Variants in AGBL4 observed in about 807,000 individuals in gnomAD.
The protein encoded by AGBL4 is cytosolic carboxypeptidase 6.
AGBL4 carries 58 observed loss-of-function variants against 66.4 expected under a neutral mutation model. That is an observed-to-expected ratio of 0.87 (90% CI 0.71 to 1.09). The LOEUF is 1.09. AGBL4 is among the 50% of genes least tolerant of loss of function. The probability of loss-of-function intolerance (pLI) is 0.00; values close to 1 mark genes in which losing one functional copy is unlikely to be tolerated. For synonymous variants in AGBL4, 234 were observed against 222.9 expected (o/e 1.05, Z -0.44); for missense variants, 579 against 631.0 (o/e 0.92, Z 0.88).
intron 4 of AGBL4, among the ~76,000 whole-genome samples, chr1:49,098,681 G>T (rs913591462): frequency 3.9e-5 from 6 of 152,086 alleles, no homozygotes; most frequent in African/African-American, 1.4e-4. Context: ...ATGACATGAG[G>T]GTGGTCAGAG....
At chr1:50,014,714 G>A (rs1212820933) in intron 1 of AGBL4, among the ~76,000 whole-genome samples, 5 of 151,678 alleles carry the variant, frequency 3.3e-5, no homozygotes, top group Non-Finnish European at 5.9e-5. Context: ...TAGTAGAGAC[G>A]GGGATTCACC....
rs935400881 is a variant in AGBL4 at position 48,534,167 on chromosome 1, G to A, written c.*6C>T. On this transcript the variant is annotated 3_prime_UTR_variant, in exon 14 of 14. Transcript: ENST00000371839. ...TCCCCATAAGACCTCCCAGGACTCCGTGTCTTTAAAAAGGGGTTGAAGGGT... is the reference window on the plus strand; with the variant it reads ...TCCCCATAAGACCTCCCAGGACTCCATGTCTTTAAAAAGGGGTTGAAGGGT... 22 of 1,551,448 alleles carry A rather than the reference G, an allele frequency of 1.4e-5. No individual in the cohort carries two copies. Among genetic ancestry groups the A allele is most frequent in the Middle Eastern group, 1.7e-4 (1 of 5,986 alleles).
At chr1:49,248,086 C>G (rs1027076760) in intron 3 of AGBL4, among the ~76,000 whole-genome samples, 1 of 152,048 alleles carries the variant, frequency 6.6e-6, no homozygotes, top group African/African-American at 2.4e-5. Context: ...TGGAGAGATT[C>G]AAAATTATAA....
intron 4 of AGBL4, among the ~76,000 whole-genome samples, chr1:49,085,946 C>T (rs1644899619): frequency 1.3e-5 from 2 of 152,162 alleles, no homozygotes; most frequent in African/African-American, 4.8e-5. Flanking sequence ...GTCATCACCC[C>T]AGTAGAGGCT....
chr1:49,358,543 C>T (rs1483577496), intron 3 of AGBL4, among the ~76,000 whole-genome samples: 1 of 152,124 alleles, frequency 6.6e-6, no homozygotes, highest in East Asian at 1.9e-4. Flanking sequence ...TGTCTGGGAA[C>T]ACCACTATTC....
intron 5 of AGBL4, among the ~76,000 whole-genome samples, chr1:48,942,254 GA>G (rs1199908071): frequency 1.3e-5 from 2 of 150,866 alleles, no homozygotes. Flanking sequence ...ACTCTCTGCA[GA>G]AATACCCCCA....
At chr1:48,584,747 A>G (rs1056613805) in intron 11 of AGBL4, 2 of 152,312 alleles carry the variant, frequency 1.3e-5, no homozygotes, top group Admixed American at 6.5e-5. Context: ...CTCAGTTTAG[A>G]TGTCTCTTTT....
intron 4 of AGBL4, among the ~76,000 whole-genome samples, chr1:49,049,384 T>G (rs1473228211): frequency 6.6e-6 from 1 of 152,128 alleles, no homozygotes; most frequent in East Asian, 1.9e-4. Context: ...TCTTCCTTAT[T>G]TTTCTCTACT....
At chr1:49,471,231 A>AT (rs755444358) in intron 3 of AGBL4, among the ~76,000 whole-genome samples, 1 of 151,882 alleles carries the variant, frequency 6.6e-6, no homozygotes, top group Non-Finnish European at 1.5e-5. Flanking sequence ...TCATTATGTT[A>AT]TTTTTGCTTT....
At chr1:49,613,369 C>T (rs2153981) in intron 3 of AGBL4, among the ~76,000 whole-genome samples, 1 of 152,136 alleles carries the variant, frequency 6.6e-6, no homozygotes, top group Non-Finnish European at 1.5e-5. Context: ...CATGTATCAC[C>T]TAAACCAGGG....
intron 1 of AGBL4, among the ~76,000 whole-genome samples, chr1:49,864,501 C>T (rs1299301676): frequency 6.6e-6 from 1 of 152,122 alleles, no homozygotes; most frequent in Non-Finnish European, 1.5e-5. Flanking sequence ...TTAGGAAAGA[C>T]TAGGTGGTTG....
chr1:49,319,473 T>G (rs572843545), intron 3 of AGBL4, among the ~76,000 whole-genome samples: 1 of 152,318 alleles, frequency 6.6e-6, no homozygotes, highest in African/African-American at 2.4e-5. Context: ...TTGCCAGAAC[T>G]CAGCCTTTTT....
At chr1:49,444,052 T>C (rs1009820090) in intron 3 of AGBL4, among the ~76,000 whole-genome samples, 5 of 152,002 alleles carry the variant, frequency 3.3e-5, no homozygotes, top group African/African-American at 1.2e-4. Flanking sequence ...GTAATTTCCA[T>C]GTATTTATAT....
At chr1:49,847,862 C>T (rs916442850) in intron 2 of AGBL4, among the ~76,000 whole-genome samples, 9 of 151,984 alleles carry the variant, frequency 5.9e-5, no homozygotes, top group African/African-American at 1.9e-4. Context: ...CCACCTCGCC[C>T]GACTAATTTT....
chr1:49,633,025 G>A (rs1025190604), intron 3 of AGBL4, among the ~76,000 whole-genome samples: 1 of 151,984 alleles, frequency 6.6e-6, no homozygotes, highest in African/African-American at 2.4e-5. Flanking sequence ...AGTGAGCTGA[G>A]ATTGCACCAC....
At chr1:49,916,429 T>G (rs1651503393) in intron 1 of AGBL4, among the ~76,000 whole-genome samples, 1 of 152,130 alleles carries the variant, frequency 6.6e-6, no homozygotes, top group Non-Finnish European at 1.5e-5. Flanking sequence ...AAGAACTACG[T>G]GATGAATGCA....
At chr1:48,590,298 C>T (rs565212207) in intron 10 of AGBL4, among the ~76,000 whole-genome samples, 8 of 151,356 alleles carry the variant, frequency 5.3e-5, no homozygotes, top group East Asian at 3.9e-4. Context: ...CCCAGCTACT[C>T]GGGAGGCTGA....
intron 3 of AGBL4, among the ~76,000 whole-genome samples, chr1:49,408,732 G>T (rs755674771): frequency 3.3e-5 from 5 of 152,216 alleles, no homozygotes; most frequent in African/African-American, 4.8e-5. Context: ...GTTTGCCAGA[G>T]GCTCTCGGGC....
chr1:49,919,241 C>T (rs974007313), intron 1 of AGBL4, among the ~76,000 whole-genome samples: 4 of 152,128 alleles, frequency 2.6e-5, no homozygotes, highest in Non-Finnish European at 4.4e-5. Flanking sequence ...CCAGGGCAAT[C>T]AGGCAGGAGA....
Sources: allele counts gnomAD v4.1 joint callset (sites outside exome capture counted in the v4.1 genomes callset), GRCh38; gene constraint gnomAD v4.1.1; transcripts MANE v1.5; gene names NCBI Gene and HGNC (gene_info 2026-07-23, HGNC 2026-07-21).